KCND2: variants seen among roughly 807,000 people sequenced by gnomAD.
KCND2 encodes potassium voltage-gated channel subfamily D member 2.
A neutral mutation model predicts 54.4 loss-of-function variants in KCND2; 16 were observed. The observed-to-expected ratio is 0.29, with a 90% confidence interval of 0.20 to 0.45. The LOEUF is 0.45. KCND2 is among the 20% of genes least tolerant of loss of function. KCND2 has a pLI of 1.00. For missense variants in KCND2, 486 were observed against 824.2 expected (o/e 0.59, Z 5.02); for synonymous variants, 317 against 310.7 (o/e 1.02, Z -0.21).
chr7:120,354,204 T>C (rs1800460827), intron 1 of KCND2, among the ~76,000 whole-genome samples: 1 of 152,144 alleles, frequency 6.6e-6, no homozygotes, highest in African/African-American at 2.4e-5. Flanking sequence ...TTGGCAGACA[T>C]TTTATGAAAA....
intron 2 of KCND2, among the ~76,000 whole-genome samples, chr7:120,740,425 T>C (rs931406290): frequency 2.0e-5 from 3 of 152,092 alleles, no homozygotes; most frequent in Admixed American, 6.6e-5. Flanking sequence ...GAAGAAGTTT[T>C]GTGAGATAAG....
intron 1 of KCND2, among the ~76,000 whole-genome samples, chr7:120,389,950 T>C (rs1801048234): frequency 6.6e-6 from 1 of 151,922 alleles, no homozygotes; most frequent in Non-Finnish European, 1.5e-5. Context: ...TTGGACACTA[T>C]AAACTTATGT....
intron 1 of KCND2, among the ~76,000 whole-genome samples, chr7:120,523,716 G>A (rs1211662711): frequency 7.3e-6 from 1 of 136,470 alleles, no homozygotes; most frequent in African/African-American, 2.6e-5. Context: ...GTGTGTGTGT[G>A]TGTGTGTGTG....
chr7:120,560,833 C>T (rs1041208566), intron 1 of KCND2, among the ~76,000 whole-genome samples: 2 of 152,054 alleles, frequency 1.3e-5, no homozygotes, highest in East Asian at 1.9e-4. Context: ...AAAAGATTAT[C>T]GAGACAATTC....
intron 1 of KCND2, among the ~76,000 whole-genome samples, chr7:120,291,187 A>G (rs762318955): frequency 6.6e-6 from 1 of 152,006 alleles, no homozygotes; most frequent in African/African-American, 2.4e-5. Flanking sequence ...TGAAATAAAA[A>G]TGAAAAAATT....
chr7:120,617,652 C>T (rs551191582), intron 1 of KCND2, among the ~76,000 whole-genome samples: 2 of 151,990 alleles, frequency 1.3e-5, no homozygotes, highest in Non-Finnish European at 2.9e-5. Flanking sequence ...GGGTGTATAC[C>T]CAAAGGAATA....
At chr7:120,522,092 T>G (rs1017305475) in intron 1 of KCND2, among the ~76,000 whole-genome samples, 2 of 152,194 alleles carry the variant, frequency 1.3e-5, no homozygotes, top group Non-Finnish European at 2.9e-5. Flanking sequence ...TCTGACTTTT[T>G]GTGGCTTCAG....
chr7:120,696,544 A>G (rs1260108622), intron 1 of KCND2, among the ~76,000 whole-genome samples: 1 of 152,220 alleles, frequency 6.6e-6, no homozygotes, highest in Admixed American at 6.5e-5. Context: ...TCCAAAGTTC[A>G]TATGCTGGAA....
intron 1 of KCND2, among the ~76,000 whole-genome samples, chr7:120,462,299 CA>C (rs932337730): frequency 3.3e-5 from 5 of 151,776 alleles, no homozygotes; most frequent in African/African-American, 1.2e-4. Flanking sequence ...ATCTTATAGG[CA>C]AGGTTATTAA....
At chr7:120,654,384 A>G (rs548112220) in intron 1 of KCND2, among the ~76,000 whole-genome samples, 97 of 152,334 alleles carry the variant, frequency 6.4e-4, no homozygotes, top group South Asian at 1.9e-3. Context: ...CTAGCATGTT[A>G]ATTGTTGCAA....
chr7:120,340,891 T>C (rs1223750831), intron 1 of KCND2, among the ~76,000 whole-genome samples: 2 of 152,152 alleles, frequency 1.3e-5, no homozygotes, highest in Admixed American at 6.5e-5. Context: ...ATGTTTCAGA[T>C]TGGAGAAGAA....
At chr7:120,615,250 A>G (rs974418839) in intron 1 of KCND2, among the ~76,000 whole-genome samples, 7 of 152,202 alleles carry the variant, frequency 4.6e-5, no homozygotes, top group African/African-American at 9.6e-5. Context: ...AGTTACCAGA[A>G]TGATCAGTTA....
chr7:120,418,009 G>T (rs1019632505), intron 1 of KCND2, among the ~76,000 whole-genome samples: 1 of 152,116 alleles, frequency 6.6e-6, no homozygotes, highest in African/African-American at 2.4e-5. Flanking sequence ...GTAAAAGCCC[G>T]ATTCAAGAAA....
At chr7:120,315,487 A>G (rs140459490) in intron 1 of KCND2, among the ~76,000 whole-genome samples, 6 of 152,278 alleles carry the variant, frequency 3.9e-5, no homozygotes, top group African/African-American at 1.4e-4. Flanking sequence ...CAAAGGGCTA[A>G]GGATCAGAAT....
At chr7:120,506,057 A>G (rs1803012250) in intron 1 of KCND2, among the ~76,000 whole-genome samples, 1 of 151,692 alleles carries the variant, frequency 6.6e-6, no homozygotes, top group Non-Finnish European at 1.5e-5. Context: ...ATTTTAAACC[A>G]TTTAAGGAAA....
rs114006235 is a variant in KCND2 at position 120,305,928 on chromosome 7, T to C, written c.1115+30181T>C. On this transcript the variant is annotated intron_variant, in intron 1 of 5. Transcript: ENST00000331113. Reference sequence around the variant, plus strand: ...GTGTATGAGACTCCTCAGACTTACCTGGCTTCACCTTTGGCAAGTTTCCTA... The same window carrying C: ...GTGTATGAGACTCCTCAGACTTACCCGGCTTCACCTTTGGCAAGTTTCCTA... 5.0e-3 allele frequency among the ~76,000 whole-genome samples: 766 copies of C among 152,314 alleles called. 7 individuals carry two copies. Among genetic ancestry groups the C allele is most frequent in the African/African-American group, 0.017 (694 of 41,590 alleles).
intron 1 of KCND2, among the ~76,000 whole-genome samples, chr7:120,333,886 C>G (rs372709593): frequency 6.6e-6 from 1 of 151,912 alleles, no homozygotes; most frequent in East Asian, 1.9e-4. Flanking sequence ...AAACATCTTT[C>G]GGCACTTTAG....
intron 1 of KCND2, among the ~76,000 whole-genome samples, chr7:120,538,622 G>A (rs887077026): frequency 6.6e-6 from 1 of 152,158 alleles, no homozygotes; most frequent in Non-Finnish European, 1.5e-5. Context: ...GGCTTTTGAT[G>A]TAGACCCACC....
chr7:120,492,994 T>C (rs916632869), intron 1 of KCND2, among the ~76,000 whole-genome samples: 1 of 151,900 alleles, frequency 6.6e-6, no homozygotes. Context: ...AGTACTGTCA[T>C]CGTAAGTAAG....
Sources: allele counts gnomAD v4.1 joint callset (sites outside exome capture counted in the v4.1 genomes callset), GRCh38; gene constraint gnomAD v4.1.1; transcripts MANE v1.5; gene names NCBI Gene and HGNC (gene_info 2026-07-23, HGNC 2026-07-21).